Variants in SLFN14 observed in about 807,000 individuals in gnomAD.
SLFN14 encodes protein SLFN14.
Under a neutral mutation model 58.6 loss-of-function variants are expected in SLFN14, and 47 were observed. That is an observed-to-expected ratio of 0.80 (90% CI 0.64 to 1.02). The LOEUF (loss-of-function observed/expected upper bound fraction) is 1.02. Ranked by LOEUF, SLFN14 falls within the 50% of genes least tolerant of loss-of-function variation. The probability of loss-of-function intolerance (pLI) is 0.00; values close to 1 mark genes in which losing one functional copy is unlikely to be tolerated. For missense variants in SLFN14, 967 were observed against 1,078.4 expected (o/e 0.90, Z 1.45); for synonymous variants, 390 against 387.3 (o/e 1.01, Z -0.08).
At position 35,552,748 on chromosome 17, in the gene SLFN14, G is replaced by A; in HGVS notation, c.1886C>T (p.Ser629Phe). 3 of 1,548,824 alleles carry A rather than the reference G, an allele frequency of 1.9e-6. No individual in the cohort carries two copies. Among genetic ancestry groups the A allele is most frequent in the Non-Finnish European group, 2.6e-6 (3 of 1,146,224 alleles). Residue 629 changes from serine (S) to phenylalanine (F), a missense_variant, in exon 5 of 6, where the codon TCC (serine) becomes TTC (phenylalanine). Transcript: ENST00000674182. ...CTCTTACGTCACAAAATCCTTTAGG[G>A]AGTCGCTTTCACAAACATAGAGGAT... ...KEILYVCESD[S>F]LKDFVTQQTT...
chr17:35,557,792 C>T lies in SLFN14; in HGVS notation c.271G>A (p.Gly91Ser), dbSNP rs1201923446. The T allele has an allele frequency of 3.9e-6, 6 of 1,551,684 alleles. No individual in the cohort carries two copies. In the Admixed American group the frequency reaches 1.2e-4, roughly 30 times the overall value. The part of the protein sequence containing the change: ...ETSFQKLLPS[G>S]SQKYLDYMQQ... ...ATGTAGTCAAGGTATTTCTGTGAACCTGAAGGAAGGAGCTTTTGAAAAGAA... is the reference window on the plus strand; with the variant it reads ...ATGTAGTCAAGGTATTTCTGTGAACTTGAAGGAAGGAGCTTTTGAAAAGAA... Residue 91 changes from glycine to serine, a missense_variant, in exon 3 of 6, where the codon GGT becomes AGT. Transcript: ENST00000674182.
At position 35,548,213 on chromosome 17, in the gene SLFN14, T is replaced by A; in HGVS notation, c.*26A>T. 6.5e-7 allele frequency: 1 copy of A among 1,543,104 alleles called. No individual in the cohort carries two copies. Among genetic ancestry groups the A allele is most frequent in the Non-Finnish European group, 8.8e-7 (1 of 1,141,998 alleles). On this transcript the variant is annotated 3_prime_UTR_variant, in exon 6 of 6. Coordinates refer to ENST00000674182, the MANE Select transcript of SLFN14 (RefSeq NM_001129820.2). ...AGGAGAAAGGACTCTGCTCTTCCTG[T>A]CTTCCTCTATTATTTGTAATAATTT...
rs902214023 is a variant in SLFN14 at position 35,547,317 on chromosome 17, T to G, written c.*922A>C. Among the ~76,000 whole-genome samples, 4 of 152,242 alleles carry G rather than the reference T, an allele frequency of 2.6e-5. No individual in the cohort carries two copies. The highest frequency in any genetic ancestry group is 9.6e-5 in the African/African-American group (4 of 41,466). On this transcript the variant is annotated 3_prime_UTR_variant, in exon 6 of 6. Coordinates refer to ENST00000674182, the MANE Select transcript of SLFN14 (RefSeq NM_001129820.2). ...ATTTTAGAAATTATTGCAATCTTATTTTATATTAAGTTGGTGCAAAAGTAA... is the reference window on the plus strand; with the variant it reads ...ATTTTAGAAATTATTGCAATCTTATGTTATATTAAGTTGGTGCAAAAGTAA...
chr17:35,552,663 CAT>C (rs71366454), intron 5 of SLFN14, 65 bp downstream of exon 5: 12 of 572,488 alleles, frequency 2.1e-5, no homozygotes, highest in South Asian at 3.2e-5. Context: ...TATATATACA[CAT>C]ATATATACAC....
At chr17:35,550,410 G>T (rs890838788) in intron 5 of SLFN14, among the ~76,000 whole-genome samples, 2 of 152,182 alleles carry the variant, frequency 1.3e-5, no homozygotes, top group Admixed American at 6.5e-5. Context: ...GCTAGGCGTG[G>T]TGATGCACAC....
Position 35,548,971 on chromosome 17 carries a change from G to T in SLFN14, c.2007C>A (p.Ser669Arg). Residue 669 changes from serine to arginine, a missense_variant, in exon 6 of 6, where the codon AGC becomes AGA. Coordinates refer to ENST00000674182, the MANE Select transcript of SLFN14 (RefSeq NM_001129820.2). ...IVMDETENFC[S>R]KYGNWYMKAK... ...CCTTCATGTACCAATTGCCATATTT[G>T]CTGCAGAAATTCTCAGTCTCATCCA... 1.9e-6 allele frequency: 3 copies of T among 1,551,658 alleles called. No individual in the cohort carries two copies. The highest frequency in any genetic ancestry group is 2.6e-6 in the Non-Finnish European group (3 of 1,147,000).
At position 35,547,519 on chromosome 17, in the gene SLFN14, C is replaced by G. The variant is rs911203233; in HGVS notation, c.*720G>C. Among the ~76,000 whole-genome samples, 1 of 152,224 alleles carries G rather than the reference C, an allele frequency of 6.6e-6. No individual in the cohort carries two copies. The highest frequency in any genetic ancestry group is 1.5e-5 in the Non-Finnish European group (1 of 68,036). On this transcript the variant is annotated 3_prime_UTR_variant, in exon 6 of 6. Transcript: ENST00000674182. Reference sequence around the variant, plus strand: ...CTGATTAGCAAAAGCATTTGACCCACTTATGACTATGGTCCTCACTATAAA... The same window carrying G: ...CTGATTAGCAAAAGCATTTGACCCAGTTATGACTATGGTCCTCACTATAAA...
chr17:35,557,288 A>T lies in SLFN14; in HGVS notation c.775T>A (p.Trp259Arg). 6.4e-7 allele frequency: 1 copy of T among 1,551,666 alleles called. No homozygotes were observed. The highest frequency in any genetic ancestry group is 8.7e-7 in the Non-Finnish European group (1 of 1,146,978). ...AGTAAGTCAGGATTCACTTTTTCCC[A>T]CTTACATCCAACCACTTCTTTGCTC... ...DKSKEVVGCK[W>R]EKVNPDLLKK... Residue 259 changes from tryptophan (W) to arginine (R), a missense_variant, in exon 3 of 6, where the codon TGG becomes AGG. Coordinates refer to ENST00000674182, the MANE Select transcript of SLFN14 (RefSeq NM_001129820.2).
rs1383484138 is a variant in SLFN14, at chr17:35,547,420, A to T, written c.*819T>A. Among the ~76,000 whole-genome samples, 1 of 152,238 alleles carries T rather than the reference A, an allele frequency of 6.6e-6. No individual in the cohort carries two copies. The highest frequency in any genetic ancestry group is 2.4e-5 in the African/African-American group (1 of 41,458). On this transcript the variant is annotated 3_prime_UTR_variant, in exon 6 of 6. Coordinates refer to ENST00000674182, the MANE Select transcript of SLFN14 (RefSeq NM_001129820.2). ...ATAATCTGAAGATTTTTAAGATTTG[A>T]ATCAAATTACCAGCTTCCCTTACTG...
In SLFN14 at chr17:35,544,774, C is replaced by G. The variant is rs1166676119; in HGVS notation, c.*3465G>C. On this transcript the variant is annotated 3_prime_UTR_variant, in exon 6 of 6. Transcript: ENST00000674182. ...AACTCCTGACCTCAGGTGATTCACCCACCTCAGCCTCCCAAAGTGCTAGGA... is the reference window on the plus strand; with the variant it reads ...AACTCCTGACCTCAGGTGATTCACCGACCTCAGCCTCCCAAAGTGCTAGGA... Among the ~76,000 whole-genome samples the G allele has an allele frequency of 6.6e-6, 1 of 152,122 alleles. No individual in the cohort carries two copies. Among genetic ancestry groups the G allele is most frequent in the Non-Finnish European group, 1.5e-5 (1 of 68,014 alleles).
Position 35,546,707 on chromosome 17 carries a change from T to G in SLFN14, c.*1532A>C, listed in dbSNP as rs191713722. ...TAGAAAAGGGGAACTTTGATTTCAT[T>G]TCTAATATGTATCATATACATTGGA... On this transcript the variant is annotated 3_prime_UTR_variant, in exon 6 of 6. Coordinates refer to ENST00000674182, the MANE Select transcript of SLFN14 (RefSeq NM_001129820.2). Among the ~76,000 whole-genome samples the G allele has an allele frequency of 1.3e-5, 2 of 152,362 alleles. No homozygotes were observed. The highest frequency in any genetic ancestry group is 1.5e-5 in the Non-Finnish European group (1 of 68,038).
chr17:35,557,293 C>T lies in SLFN14; in HGVS notation c.770G>A (p.Cys257Tyr), dbSNP rs1428689204. ...VDDKSKEVVG[C>Y]KWEKVNPDLL... ...GTCAGGATTCACTTTTTCCCACTTA[C>T]ATCCAACCACTTCTTTGCTCTTATC... Residue 257 changes from cysteine to tyrosine, a missense_variant, in exon 3 of 6, where the codon TGT becomes TAT. Cys to Tyr is a radical substitution (Grantham distance 194). Coordinates refer to ENST00000674182, the MANE Select transcript of SLFN14 (RefSeq NM_001129820.2). 29 of 1,551,730 alleles carry T rather than the reference C, an allele frequency of 1.9e-5. No individual in the cohort carries two copies. Among genetic ancestry groups the T allele is most frequent in the Admixed American group, 3.9e-5 (2 of 51,004 alleles).
chr17:35,545,978 G>A lies in SLFN14; in HGVS notation c.*2261C>T, dbSNP rs2072531618. ...ATTCTACTTTCATCCTGATTGAATT[G>A]TTTCACTAGACTAAGAACTGACAAA... On this transcript the variant is annotated 3_prime_UTR_variant, in exon 6 of 6. Transcript: ENST00000674182. Among the ~76,000 whole-genome samples the A allele has an allele frequency of 6.6e-6, 1 of 152,086 alleles. No individual in the cohort carries two copies. The highest frequency in any genetic ancestry group is 1.5e-5 in the Non-Finnish European group (1 of 68,014).
chr17:35,552,602 ATATATATATGTG>A, intron 5 of SLFN14, 116 bp downstream of exon 5: 1 of 325,588 alleles, frequency 3.1e-6, no homozygotes, highest in Non-Finnish European at 4.9e-6. Context: ...CAAAAAGAAT[ATATATATATGTG>A]TATATATATA....
At position 35,547,327 on chromosome 17, in the gene SLFN14, G is replaced by A. The variant is rs1384109241; in HGVS notation, c.*912C>T. On this transcript the variant is annotated 3_prime_UTR_variant, in exon 6 of 6. Coordinates refer to ENST00000674182, the MANE Select transcript of SLFN14 (RefSeq NM_001129820.2). ...TTATTGCAATCTTATTTTATATTAAGTTGGTGCAAAAGTAATTGTGGCTTT... is the reference window on the plus strand; with the variant it reads ...TTATTGCAATCTTATTTTATATTAAATTGGTGCAAAAGTAATTGTGGCTTT... Among the ~76,000 whole-genome samples, 1 of 152,108 alleles carries A rather than the reference G, an allele frequency of 6.6e-6. No individual in the cohort carries two copies. Among genetic ancestry groups the A allele is most frequent in the African/African-American group, 2.4e-5 (1 of 41,414 alleles).
At position 35,544,358 on chromosome 17, in the gene SLFN14, G is replaced by C. The variant is rs1265825353; in HGVS notation, c.*3881C>G. 6.6e-6 allele frequency among the ~76,000 whole-genome samples: 1 copy of C among 152,008 alleles called. No homozygotes were observed. The highest frequency in any genetic ancestry group is 2.4e-5 in the African/African-American group (1 of 41,310). On this transcript the variant is annotated 3_prime_UTR_variant, in exon 6 of 6. Coordinates refer to ENST00000674182, the MANE Select transcript of SLFN14 (RefSeq NM_001129820.2). The stretch of plus-strand genomic sequence containing the variant: ...ATTGGGAACAATAATGTAGTCTATA[G>C]CAATATCTCACAAAACAATTAAATG...
chr17:35,548,425 C>G lies in SLFN14; in HGVS notation c.2553G>C (p.Pro851=). 1.9e-6 allele frequency: 3 copies of G among 1,551,688 alleles called. No homozygotes were observed. The highest frequency in any genetic ancestry group is 1.4e-5 in the African/African-American group (1 of 73,150). The change falls in exon 6 of 6, where the codon CCG becomes CCC. Residue 851 remains proline (P), a synonymous_variant. Transcript: ENST00000674182. ...THRPSEVVFS[P]ATGVWGSHIV... Reference sequence around the variant, plus strand: ...TGTGACTTCCCCAAACACCGGTGGCCGGGCTAAACACAACCTCTGATGGTC... The same window carrying G: ...TGTGACTTCCCCAAACACCGGTGGCGGGGCTAAACACAACCTCTGATGGTC...
chr17:35,556,174 AC>A (rs2072651036), intron 3 of SLFN14, among the ~76,000 whole-genome samples: 1 of 151,972 alleles, frequency 6.6e-6, no homozygotes, highest in Admixed American at 6.6e-5. Context: ...TGTAGCTGGG[AC>A]TACAGGCATA....
intron 4 of SLFN14, 84 bp from the exon 5 acceptor site, chr17:35,553,528 C>G: frequency 9.3e-7 from 1 of 1,076,784 alleles, no homozygotes; most frequent in Non-Finnish European, 1.3e-6. Flanking sequence ...AAAAATGATA[C>G]CTGGTGCATT....
Sources: allele counts gnomAD v4.1 joint callset (sites outside exome capture counted in the v4.1 genomes callset), GRCh38; gene constraint gnomAD v4.1.1; transcripts MANE v1.5; gene names NCBI Gene and HGNC (gene_info 2026-07-23, HGNC 2026-07-21).